Variants in TENM3 observed in about 807,000 individuals in gnomAD.
TENM3 encodes teneurin transmembrane protein 3.
In TENM3, 63 loss-of-function variants were observed where a neutral mutation model predicts 255.1. That is an observed-to-expected ratio of 0.25 (90% CI 0.20 to 0.30). The LOEUF is 0.30. Ranked by LOEUF, TENM3 falls within the 10% of genes least tolerant of loss-of-function variation. The pLI is 1.00. For missense variants in TENM3, 2,929 were observed against 3,461.1 expected, an observed-to-expected ratio of 0.85 and a Z score of 3.86; for synonymous variants, 1,306 against 1,322.3, an observed-to-expected ratio of 0.99 and a Z score of 0.27.
chr4:181,546,971 C>T, the TENM3 span, among the ~76,000 whole-genome samples: 1 of 151,994 alleles, frequency 6.6e-6, no homozygotes, highest in Non-Finnish European at 1.5e-5. Context: ...TATTATTTGA[C>T]CCATCCAGAT....
At chr4:182,606,517 C>G (rs1748444975) in intron 4 of TENM3, among the ~76,000 whole-genome samples, 1 of 100,884 alleles carries the variant, frequency 9.9e-6, no homozygotes, top group South Asian at 4.1e-4. Context: ...GAGGGAGACT[C>G]TGTCTCAAAA....
intron 3 of TENM3, among the ~76,000 whole-genome samples, chr4:182,510,050 C>T (rs1454894193): frequency 6.6e-6 from 1 of 151,858 alleles, no homozygotes; most frequent in African/African-American, 2.4e-5. Flanking sequence ...CAGAAATTCA[C>T]ACTGTCAGTT....
At chr4:181,884,977 A>G in the TENM3 span, among the ~76,000 whole-genome samples, 2 of 152,018 alleles carry the variant, frequency 1.3e-5, no homozygotes, top group Non-Finnish European at 2.9e-5. Flanking sequence ...TTTAAATCTT[A>G]TTTTTGTTTC....
At chr4:182,487,174 A>G (rs567400440) in intron 3 of TENM3, among the ~76,000 whole-genome samples, 13 of 152,306 alleles carry the variant, frequency 8.5e-5, no homozygotes, top group Admixed American at 7.2e-4. Context: ...AGAAACAGCC[A>G]TAGCTAGCCC....
At chr4:182,134,973 C>G in the TENM3 span, among the ~76,000 whole-genome samples, 2 of 151,678 alleles carry the variant, frequency 1.3e-5, no homozygotes, top group Admixed American at 6.6e-5. Context: ...TTTGGGAGGC[C>G]GAGGAGGGTG....
At chr4:181,720,196 G>GA in the TENM3 span, among the ~76,000 whole-genome samples, 20 of 152,108 alleles carry the variant, frequency 1.3e-4, no homozygotes, top group African/African-American at 4.1e-4. Context: ...CATTCTTTGA[G>GA]AAAAAATACT....
At chr4:182,492,352 G>T (rs1735380507) in intron 3 of TENM3, among the ~76,000 whole-genome samples, 1 of 152,056 alleles carries the variant, frequency 6.6e-6, no homozygotes, top group Admixed American at 6.6e-5. Flanking sequence ...TATACGGGAT[G>T]GTGTCAGAAA....
At chr4:182,579,161 G>A (rs917153233) in intron 3 of TENM3, among the ~76,000 whole-genome samples, 45 of 152,254 alleles carry the variant, frequency 3.0e-4, no homozygotes, top group African/African-American at 8.4e-4. Flanking sequence ...GCTTCGCAGC[G>A]GTGAACCATT....
At chr4:182,473,040 A>G (rs941992985) in intron 3 of TENM3, among the ~76,000 whole-genome samples, 9 of 152,206 alleles carry the variant, frequency 5.9e-5, no homozygotes, top group African/African-American at 2.2e-4. Flanking sequence ...ACCATCAGGT[A>G]TTTATTAATA....
chr4:182,473,604 C>T (rs1010497532), intron 3 of TENM3, among the ~76,000 whole-genome samples: 2 of 152,104 alleles, frequency 1.3e-5, no homozygotes, highest in South Asian at 2.1e-4. Flanking sequence ...ACTAGGGAGG[C>T]GGAGCTTGCA....
At chr4:181,467,700 C>T in the TENM3 span, among the ~76,000 whole-genome samples, 4 of 151,878 alleles carry the variant, frequency 2.6e-5, no homozygotes, top group Admixed American at 6.6e-5. Flanking sequence ...GTGCCTGAGT[C>T]GAAAGGAACA....
the TENM3 span, among the ~76,000 whole-genome samples, chr4:181,692,988 T>G: frequency 6.6e-6 from 1 of 151,966 alleles, no homozygotes; most frequent in Admixed American, 6.6e-5. Context: ...TCTGGACAGT[T>G]TGGGATCCCC....
At chr4:181,578,125 T>C in the TENM3 span, among the ~76,000 whole-genome samples, 3 of 152,196 alleles carry the variant, frequency 2.0e-5, no homozygotes, top group Non-Finnish European at 4.4e-5. Flanking sequence ...GAGGTTTCTG[T>C]GCTGGGAAGG....
chr4:181,467,122 TATA>T, the TENM3 span, among the ~76,000 whole-genome samples: 8 of 55,402 alleles, frequency 1.4e-4, no homozygotes, highest in Admixed American at 4.2e-4. Flanking sequence ...TATATATATA[TATA>T]TTTTTTTTTT....
At chr4:182,359,155 A>T (rs13140774) in intron 3 of TENM3, among the ~76,000 whole-genome samples, 17,268 of 152,134 alleles carry the variant, frequency 0.11, 1,123 homozygotes, top group Non-Finnish European at 0.14. Context: ...ATCAATGTTC[A>T]TCAAGGATAT....
chr4:182,076,163 G>C, the TENM3 span, among the ~76,000 whole-genome samples: 1 of 151,198 alleles, frequency 6.6e-6, no homozygotes, highest in Non-Finnish European at 1.5e-5. Context: ...AAAGTGCTGG[G>C]ATTATAGGCA....
the TENM3 span, among the ~76,000 whole-genome samples, chr4:181,911,123 C>A: frequency 1.3e-5 from 2 of 152,170 alleles, no homozygotes; most frequent in Non-Finnish European, 2.9e-5. Flanking sequence ...GCCCATTTTA[C>A]AGATGAGAAA....
At chr4:182,582,831 A>G (rs1228777727) in intron 3 of TENM3, among the ~76,000 whole-genome samples, 3 of 152,216 alleles carry the variant, frequency 2.0e-5, no homozygotes, top group African/African-American at 7.2e-5. Flanking sequence ...AAAAATTCAC[A>G]TAAACATTGA....
intron 3 of TENM3, among the ~76,000 whole-genome samples, chr4:182,581,093 C>T (rs1013708554): frequency 6.6e-6 from 1 of 152,068 alleles, no homozygotes; most frequent in Non-Finnish European, 1.5e-5. Context: ...TTCCAGTACT[C>T]TAGAACATGT....
Sources: gnomAD v4.1 joint callset for allele counts (sites outside exome capture counted in the v4.1 genomes callset) on GRCh38, gnomAD v4.1.1 for gene constraint, MANE v1.5 for transcripts, NCBI Gene and HGNC (gene_info 2026-07-23, HGNC 2026-07-21) for gene names.